PDE4C: variants seen among roughly 807,000 people sequenced by gnomAD.
The protein encoded by PDE4C is 3',5'-cyclic-AMP phosphodiesterase 4C.
PDE4C carries 50 observed loss-of-function variants against 63.9 expected under a neutral mutation model. That is an observed-to-expected ratio of 0.78 (90% CI 0.62 to 0.99). PDE4C has a LOEUF of 0.99. Ranked by LOEUF, PDE4C falls within the 50% of genes least tolerant of loss-of-function variation. The probability of loss-of-function intolerance (pLI) is 0.00; values close to 1 mark genes in which losing one functional copy is unlikely to be tolerated. For synonymous variants in PDE4C, 377 were observed against 385.1 expected (o/e 0.98, Z 0.25); for missense variants, 777 against 899.1 (o/e 0.86, Z 1.74).
At chr19:18,231,322 C>G (rs1968843539), upstream of PDE4C, among the ~76,000 whole-genome samples, 1 of 152,254 alleles carries the variant, frequency 6.6e-6, no homozygotes, top group Non-Finnish European at 1.5e-5. Context: ...ATCCACCGCT[C>G]CTGCCTCCCA....
chr19:18,236,231 C>A (rs1356138843), upstream of PDE4C, among the ~76,000 whole-genome samples: 1 of 151,912 alleles, frequency 6.6e-6, no homozygotes, highest in Admixed American at 6.6e-5. Flanking sequence ...GAGTGAGCCA[C>A]TGCACCCGGC....
chr19:18,228,839 C>T (rs909124559), upstream of PDE4C, among the ~76,000 whole-genome samples: 3 of 152,238 alleles, frequency 2.0e-5, no homozygotes, highest in Non-Finnish European at 4.4e-5. Flanking sequence ...GACAGAAGCA[C>T]CCCTACCCTG....
chr19:18,226,576 G>C, upstream of PDE4C: 1 of 441,352 alleles, frequency 2.3e-6, no homozygotes, highest in Non-Finnish European at 3.9e-6. Flanking sequence ...GGGAAACTGA[G>C]GCACAGAGTC....
chr19:18,222,719 T>TTTTTTTAG (rs1968547958), intron 1 of PDE4C, among the ~76,000 whole-genome samples: 1 of 138,526 alleles, frequency 7.2e-6, no homozygotes, highest in Non-Finnish European at 1.6e-5. Flanking sequence ...TTTTTTTTTT[T>TTTTTTTAG]GACAGGGCCC....
chr19:18,253,318 G>A, the PDE4C span, among the ~76,000 whole-genome samples: 1 of 152,152 alleles, frequency 6.6e-6, no homozygotes. Context: ...AGGAATTCAA[G>A]GCTGTAGTGC....
Position 18,220,854 on chromosome 19 carries a change from G to T in PDE4C, c.499+20C>A, listed in dbSNP as rs746308721. ...CTCCCAGCTGTCCTCAGCGGGGGAGGGAAGGAACAGGTACTTTACCTGCAG... is the reference window on the plus strand; with the variant it reads ...CTCCCAGCTGTCCTCAGCGGGGGAGTGAAGGAACAGGTACTTTACCTGCAG... On this transcript the variant is annotated intron_variant, in intron 5 of 14. Transcript: ENST00000262805. This position sits in a 1 kb window ranked among gnomAD's most constrained non-coding sequence, Gnocchi z 5.1. 3.1e-6 allele frequency: 5 copies of T among 1,604,922 alleles called. No homozygotes were observed. The highest frequency in any genetic ancestry group is 4.3e-6 in the Non-Finnish European group (5 of 1,176,406).
At chr19:18,227,343 C>A (rs1019154325), upstream of PDE4C, among the ~76,000 whole-genome samples, 1 of 152,140 alleles carries the variant, frequency 6.6e-6, no homozygotes, top group Non-Finnish European at 1.5e-5. Flanking sequence ...CAACTCCCCA[C>A]GTGATCCCCC....
At chr19:18,252,339 T>C, upstream of PDE4C, 2 of 398,806 alleles carry the variant, frequency 5.0e-6, no homozygotes, top group Non-Finnish European at 4.4e-6. Context: ...GGTTATGGAG[T>C]CTGTCTCCAA....
chr19:18,230,026 G>A (rs975448435), upstream of PDE4C, among the ~76,000 whole-genome samples: 2 of 152,072 alleles, frequency 1.3e-5, no homozygotes, highest in African/African-American at 2.4e-5. Context: ...GTTACAGTTA[G>A]AGTCACCTCC....
upstream of PDE4C, among the ~76,000 whole-genome samples, chr19:18,237,500 G>A (rs567237880): frequency 2.0e-5 from 3 of 151,972 alleles, no homozygotes; most frequent in South Asian, 4.2e-4. Flanking sequence ...GCAGTGAGCC[G>A]AGATTATGCC....
At position 18,233,332 on chromosome 19, in the gene PDE4C, A is replaced by G. The variant is rs1447117226; in HGVS notation, c.-141T>C. On this transcript the variant is annotated 5_prime_UTR_variant, in exon 1 of 15. Coordinates refer to the PDE4C transcript ENST00000594465. ...GAGCTGTCCGCGCCGGAGGTGCTGA[A>G]GCGGTAGAAGGTGGAACTGGGGCTC... 5 of 1,192,310 alleles carry G rather than the reference A, an allele frequency of 4.2e-6. No individual in the cohort carries two copies. The African/African-American group carries it at 6.1e-5, about 14-fold the overall frequency. 73.9% of individuals were successfully genotyped at this position (1,192,310 alleles called of 1,614,324 possible).
intron 2 of PDE4C, among the ~76,000 whole-genome samples, chr19:18,221,707 C>A (rs1401918118): frequency 6.6e-6 from 1 of 152,158 alleles, no homozygotes; most frequent in East Asian, 1.9e-4. Flanking sequence ...TCACTACAAC[C>A]TCCGCCTCCT....
upstream of PDE4C, among the ~76,000 whole-genome samples, chr19:18,227,612 G>A (rs1481249109): frequency 6.6e-6 from 1 of 152,154 alleles, no homozygotes; most frequent in Non-Finnish European, 1.5e-5. Flanking sequence ...CCACTTTACA[G>A]AAAAGGAAAC....
intron 1 of PDE4C, among the ~76,000 whole-genome samples, chr19:18,247,264 G>T (rs1969148698): frequency 6.6e-6 from 1 of 152,142 alleles, no homozygotes; most frequent in Non-Finnish European, 1.5e-5. Flanking sequence ...GTGGGCCCCT[G>T]TGAGCTGGTC....
upstream of PDE4C, chr19:18,251,982 CT>C: frequency 2.5e-6 from 1 of 398,172 alleles, no homozygotes. Context: ...GGGGCTGTAC[CT>C]CCCCCTGGTG....
intron 1 of PDE4C, among the ~76,000 whole-genome samples, chr19:18,226,058 CAGAG>C (rs1318420718): frequency 6.6e-6 from 1 of 152,154 alleles, no homozygotes; most frequent in East Asian, 1.9e-4. Context: ...CAGACGGAGA[CAGAG>C]AGAGACAGAG....
At chr19:18,254,207 C>T in the PDE4C span, among the ~76,000 whole-genome samples, 128 of 152,296 alleles carry the variant, frequency 8.4e-4, no homozygotes, top group African/African-American at 3.0e-3. Flanking sequence ...GGGAAGAACG[C>T]CCCTCAAGGA....
upstream of PDE4C, chr19:18,226,525 C>T: frequency 4.8e-6 from 4 of 834,894 alleles, no homozygotes; most frequent in Non-Finnish European, 6.5e-6. Flanking sequence ...ATCGGCCCCG[C>T]CTCGAGGCCG....
At chr19:18,221,405 G>A (rs574916337) in intron 2 of PDE4C, 108 bp from the exon 3 acceptor site, 20 of 1,188,642 alleles carry the variant, frequency 1.7e-5, no homozygotes, top group Non-Finnish European at 2.2e-5. Flanking sequence ...TTCTCCTCCA[G>A]GCTCCTTCTT....
Sources: allele counts gnomAD v4.1 joint callset (sites outside exome capture counted in the v4.1 genomes callset), GRCh38; gene constraint gnomAD v4.1.1; non-coding constraint Gnocchi (gnomAD v3.1); transcripts MANE v1.5; gene names NCBI Gene and HGNC (gene_info 2026-07-23, HGNC 2026-07-21).